The following IGSF3 variants were observed in gnomAD, a reference collection of about 807,000 sequenced individuals.
IGSF3 encodes immunoglobulin superfamily member 3.
A neutral mutation model predicts 114.4 loss-of-function variants in IGSF3; 23 were observed. That is an observed-to-expected ratio of 0.20 (90% CI 0.14 to 0.28). The LOEUF is 0.28. Ranked by LOEUF, IGSF3 falls within the 10% of genes least tolerant of loss-of-function variation. The pLI, the probability that IGSF3 is intolerant of heterozygous loss-of-function variation, is 1.00. For synonymous variants in IGSF3, 571 were observed against 645.2 expected (o/e 0.88, Z 1.74); for missense variants, 1,172 against 1,591.5 (o/e 0.74, Z 4.48).
At position 116,600,937 on chromosome 1, in the gene IGSF3, G is replaced by A. The variant is rs1036750694; in HGVS notation, c.1625-592C>T. Among the ~76,000 whole-genome samples the A allele has an allele frequency of 1.5e-4, 23 of 152,292 alleles. No individual in the cohort carries two copies. Among genetic ancestry groups the A allele is most frequent in the African/African-American group, 4.1e-4 (17 of 41,540 alleles). ...AAATGCAGGGTTCTGCAGGCTCAGC[G>A]GCTGTGGGTCTCTCAATATTCCTTA... On this transcript the variant is annotated intron_variant, in intron 6 of 10. Transcript: ENST00000369486. The surrounding 1 kb of genome is among the most constrained non-coding windows in gnomAD (Gnocchi z 5.5).
In IGSF3 at chr1:116,616,462, G is replaced by A. The variant is rs1231027161; in HGVS notation, c.44-5C>T. The A allele has an allele frequency of 1.8e-5, 29 of 1,583,798 alleles. No homozygotes were observed. The highest frequency in any genetic ancestry group is 3.4e-5 in the Admixed American group (2 of 58,564). On this transcript the variant is annotated splice_region_variant and splice_polypyrimidine_tract_variant and intron_variant, in intron 2 of 10. Transcript: ENST00000369486. The surrounding 1 kb of genome is among the most constrained non-coding windows in gnomAD (Gnocchi z 6.6). ...GCCGCTGTGCTGACACCACACCTAC[G>A]AGGGAGAGAAACACACACAACATGC...
rs1180707627 is a variant in IGSF3, at chr1:116,632,551, G to A, written c.44-16094C>T. On this transcript the variant is annotated intron_variant, in intron 2 of 10. Coordinates refer to ENST00000369486, the MANE Select transcript of IGSF3 (RefSeq NM_001007237.3). The surrounding 1 kb of genome is among the most constrained non-coding windows in gnomAD (Gnocchi z 5.1). The stretch of plus-strand genomic sequence containing the variant: ...AACCTGGAAGGCAACAAATGGACAC[G>A]TGCGTGCTGAAGGACTCGTGTTTAA... Among the ~76,000 whole-genome samples, 5 of 152,212 alleles carry A rather than the reference G, an allele frequency of 3.3e-5. No individual in the cohort carries two copies. Among genetic ancestry groups the A allele is most frequent in the Non-Finnish European group, 4.4e-5 (3 of 68,040 alleles).
At position 116,633,928 on chromosome 1, in the gene IGSF3, G is replaced by T. The variant is rs183110970; in HGVS notation, c.44-17471C>A. On this transcript the variant is annotated intron_variant, in intron 2 of 10. Coordinates refer to ENST00000369486, the MANE Select transcript of IGSF3 (RefSeq NM_001007237.3). The surrounding 1 kb of genome is among the most constrained non-coding windows in gnomAD (Gnocchi z 4.3). ...CCCTCTCACAAAGGTGAGTAGATGGGTCTGGAGAGGGCTGTTCATGCTATG... is the reference window on the plus strand; with the variant it reads ...CCCTCTCACAAAGGTGAGTAGATGGTTCTGGAGAGGGCTGTTCATGCTATG... Among the ~76,000 whole-genome samples the T allele has an allele frequency of 1.3e-5, 2 of 152,376 alleles. No homozygotes were observed. Among genetic ancestry groups the T allele is most frequent in the Admixed American group, 1.3e-4 (2 of 15,306 alleles).
At position 116,579,663 on chromosome 1, in the gene IGSF3, GTCGTCC is replaced by G. The variant is rs983726982; in HGVS notation, c.3057_3062del (p.Glu1019_Asp1020del). ...GCTCTGTTGGGTCGTCGTCGTCGTC[GTCGTCC>G]TCCTCCTCCTCCTCCTCCCTTTCCT... On this transcript the variant is annotated inframe_deletion, in exon 10 of 11. Transcript: ENST00000369486. This position sits in a 1 kb window ranked among gnomAD's most constrained non-coding sequence, Gnocchi z 6.4. The G allele has an allele frequency of 1.2e-5, 18 of 1,564,266 alleles. No homozygotes were observed. In the Admixed American group the frequency reaches 2.1e-4, roughly 18 times the overall value.
In IGSF3 at chr1:116,594,908, C is replaced by A. The variant is rs1292896163; in HGVS notation, c.2029+5033G>T. ...CCCCTACCCCATTCCCTCCTCACGC[C>A]CCCTGCCCCCGTTCATGCCCTGTGC... On this transcript the variant is annotated intron_variant, in intron 7 of 10. Coordinates refer to ENST00000369486, the MANE Select transcript of IGSF3 (RefSeq NM_001007237.3). This position sits in a 1 kb window ranked among gnomAD's most constrained non-coding sequence, Gnocchi z 5.2. 1.3e-5 allele frequency among the ~76,000 whole-genome samples: 2 copies of A among 152,138 alleles called. No individual in the cohort carries two copies. The highest frequency in any genetic ancestry group is 2.9e-5 in the Non-Finnish European group (2 of 68,016).
At position 116,613,755 on chromosome 1, in the gene IGSF3, A is replaced by T. The variant is rs1233951099; in HGVS notation, c.832+10T>A. On this transcript the variant is annotated intron_variant, in intron 4 of 10. Coordinates refer to ENST00000369486, the MANE Select transcript of IGSF3 (RefSeq NM_001007237.3). ...GTAAAGGACAGGACAAGAGGCTCAG[A>T]GGGACTGACCAGTTGGCTGGACGTT... 6.2e-7 allele frequency: 1 copy of T among 1,610,650 alleles called. No individual in the cohort carries two copies. Among genetic ancestry groups the T allele is most frequent in the East Asian group, 2.2e-5 (1 of 44,808 alleles).
At position 116,588,157 on chromosome 1, in the gene IGSF3, C is replaced by A. The variant is rs1659933517; in HGVS notation, c.2440+537G>T. ...GCATTCTGGCAGAGGTTGAGTGCCA[C>A]CTGTGAGGGAGAGGAATAAGGGCTA... On this transcript the variant is annotated intron_variant, in intron 8 of 10. Transcript: ENST00000369486. This position sits in a 1 kb window ranked among gnomAD's most constrained non-coding sequence, Gnocchi z 4.9. 6.6e-6 allele frequency among the ~76,000 whole-genome samples: 1 copy of A among 151,964 alleles called. No homozygotes were observed. Among genetic ancestry groups the A allele is most frequent in the African/African-American group, 2.4e-5 (1 of 41,362 alleles).
chr1:116,625,828 T>G lies in IGSF3; in HGVS notation c.44-9371A>C, dbSNP rs1046686544. Among the ~76,000 whole-genome samples, 2 of 152,244 alleles carry G rather than the reference T, an allele frequency of 1.3e-5. No homozygotes were observed. The highest frequency in any genetic ancestry group is 4.8e-5 in the African/African-American group (2 of 41,448). ...ATGAATGTTAAATTATTGATACTAC[T>G]TCTAAGAAGATGTAACTGCCAGCTA... On this transcript the variant is annotated intron_variant, in intron 2 of 10. Coordinates refer to ENST00000369486, the MANE Select transcript of IGSF3 (RefSeq NM_001007237.3). This position sits in a 1 kb window ranked among gnomAD's most constrained non-coding sequence, Gnocchi z 4.7.
chr1:116,660,463 G>A (rs1649062395), intron 2 of IGSF3, among the ~76,000 whole-genome samples: 1 of 150,502 alleles, frequency 6.6e-6, no homozygotes, highest in South Asian at 2.1e-4. Flanking sequence ...ACCACACCTG[G>A]CCTATGTATG....
At position 116,633,675 on chromosome 1, in the gene IGSF3, C is replaced by T. The variant is rs533320974; in HGVS notation, c.44-17218G>A. Among the ~76,000 whole-genome samples the T allele has an allele frequency of 4.5e-4, 69 of 152,294 alleles. No individual in the cohort carries two copies. Among genetic ancestry groups the T allele is most frequent in the African/African-American group, 1.6e-3 (67 of 41,552 alleles). On this transcript the variant is annotated intron_variant, in intron 2 of 10. Coordinates refer to ENST00000369486, the MANE Select transcript of IGSF3 (RefSeq NM_001007237.3). This position sits in a 1 kb window ranked among gnomAD's most constrained non-coding sequence, Gnocchi z 4.3. ...GCTTTTTCCTTCTGTCTTCTCCCTT[C>T]CTTCTTGTCTACTAAACTCTCTGTG...
intron 6 of IGSF3, among the ~76,000 whole-genome samples, chr1:116,601,170 C>T (rs1660565602): frequency 6.6e-6 from 1 of 152,146 alleles, no homozygotes; most frequent in Non-Finnish European, 1.5e-5. Flanking sequence ...CCCAAAACAA[C>T]CTTGTAGAAC....
chr1:116,604,514 A>G (rs1660718505), intron 5 of IGSF3, among the ~76,000 whole-genome samples: 1 of 152,218 alleles, frequency 6.6e-6, no homozygotes, highest in Admixed American at 6.5e-5. Context: ...AGGACAATTT[A>G]GGAAATACTG....
Position 116,666,575 on chromosome 1 carries a change from G to T in IGSF3, c.-249C>A. On this transcript the variant is annotated 5_prime_UTR_variant, in exon 2 of 11. Transcript: ENST00000369486. ...CCACAACAATTCGGAAGTCGCTCCC[G>T]GCTCCTGCCACATCGTGTGCCTTGC... 1.7e-6 allele frequency: 1 copy of T among 600,114 alleles called. No individual in the cohort carries two copies. Among genetic ancestry groups the T allele is most frequent in the Non-Finnish European group, 3.0e-6 (1 of 337,950 alleles). 37.2% of individuals were successfully genotyped at this position (600,114 alleles called of 1,614,324 possible). A position where few individuals can be genotyped will look rare whatever the true frequency, so the allele number is the denominator to read the frequency against.
In IGSF3 at chr1:116,655,643, G is replaced by A. The variant is rs1192528223; in HGVS notation, c.43+10641C>T. 6.6e-6 allele frequency among the ~76,000 whole-genome samples: 1 copy of A among 152,196 alleles called. No individual in the cohort carries two copies. ...ACTCGGGTCCAGTTCATTCTATCTG[G>A]AGGAGTCACTTGGGAATTGAAAACA... On this transcript the variant is annotated intron_variant, in intron 2 of 10. Coordinates refer to ENST00000369486, the MANE Select transcript of IGSF3 (RefSeq NM_001007237.3). This position sits in a 1 kb window ranked among gnomAD's most constrained non-coding sequence, Gnocchi z 4.3.
intron 7 of IGSF3, among the ~76,000 whole-genome samples, chr1:116,590,975 AC>A (rs1465255351): frequency 1.3e-5 from 2 of 152,174 alleles, no homozygotes; most frequent in South Asian, 2.1e-4. Flanking sequence ...GAATTCACAA[AC>A]CCACAGACCT....
rs764467548 is a variant in IGSF3, at chr1:116,657,771, C to A, written c.43+8513G>T. On this transcript the variant is annotated intron_variant, in intron 2 of 10. Transcript: ENST00000369486. This position sits in a 1 kb window ranked among gnomAD's most constrained non-coding sequence, Gnocchi z 4.2. ...CTCAGAGTTGCTATCAAAAAGGAGG[C>A]CGCAGACTGCATTCTGAAGCATCAG... 6.6e-5 allele frequency among the ~76,000 whole-genome samples: 10 copies of A among 152,086 alleles called. No homozygotes were observed. The highest frequency in any genetic ancestry group is 1.3e-4 in the Non-Finnish European group (9 of 68,028).
Position 116,616,214 on chromosome 1 carries a change from T to C in IGSF3, c.287A>G (p.Glu96Gly). 6.2e-7 allele frequency: 1 copy of C among 1,613,936 alleles called. No homozygotes were observed. Among genetic ancestry groups the C allele is most frequent in the Non-Finnish European group, 8.5e-7 (1 of 1,179,860 alleles). Residue 96 changes from glutamate (E) to glycine (G), a missense_variant, in exon 3 of 11, where the codon GAA becomes GGA. Physicochemically the swap from Glu to Gly is moderately conservative, Grantham distance 98 (BLOSUM62 -2). Transcript: ENST00000369486. This position sits in a 1 kb window ranked among gnomAD's most constrained non-coding sequence, Gnocchi z 6.6. ...QRVRGGKIFI[E>G]RVQGNSTLLH... ...TAGGGTTGAGTTCCCCTGGACTCTT[T>C]CTATGAAGATCTTCCCTCCGCGGAC...
chr1:116,619,475 C>G (rs994620319), intron 2 of IGSF3, among the ~76,000 whole-genome samples: 2 of 152,240 alleles, frequency 1.3e-5, no homozygotes, highest in Non-Finnish European at 2.9e-5. Context: ...CACACACATT[C>G]AGCTGCACCT....
chr1:116,659,526 T>A (rs1020930377), intron 2 of IGSF3, among the ~76,000 whole-genome samples: 2 of 152,136 alleles, frequency 1.3e-5, no homozygotes, highest in Admixed American at 6.6e-5. Context: ...ACCAACCCTT[T>A]ACAAGGAATA....
Sources: gnomAD v4.1 joint callset for allele counts (sites outside exome capture counted in the v4.1 genomes callset) on GRCh38, gnomAD v4.1.1 for gene constraint, Gnocchi (gnomAD v3.1) non-coding constraint, MANE v1.5 for transcripts, NCBI Gene and HGNC (gene_info 2026-07-23, HGNC 2026-07-21) for gene names.